Variants in PIEZO2 observed in about 807,000 individuals in gnomAD.
PIEZO2 encodes the protein piezo type mechanosensitive ion channel component 2.
A neutral mutation model predicts 337.3 loss-of-function variants in PIEZO2; 172 were observed. The observed-to-expected ratio is 0.51, with a 90% CI of 0.45 to 0.58. The LOEUF (loss-of-function observed/expected upper bound fraction) is 0.58. Among genes scored for constraint, PIEZO2 ranks in the 20% least tolerant of loss-of-function variants. The pLI is 0.00. For synonymous variants in PIEZO2, 1,251 were observed against 1,228.5 expected (o/e 1.02, Z -0.38); for missense variants, 3,028 against 3,391.3 (o/e 0.89, Z 2.66).
At chr18:10,776,209 T>G (rs1205124989) in intron 18 of PIEZO2, among the ~76,000 whole-genome samples, 2 of 152,178 alleles carry the variant, frequency 1.3e-5, no homozygotes, top group Non-Finnish European at 2.9e-5. Context: ...CCAGAAAACT[T>G]GCTAGCTAGG....
At chr18:10,885,390 C>A (rs1378832755) in intron 4 of PIEZO2, among the ~76,000 whole-genome samples, 1 of 152,114 alleles carries the variant, frequency 6.6e-6, no homozygotes, top group African/African-American at 2.4e-5. Context: ...AGCAACTGCA[C>A]TCCAGCCTGG....
chr18:10,887,889 A>C (rs264216), intron 4 of PIEZO2, among the ~76,000 whole-genome samples: 112,151 of 152,080 alleles, frequency 0.74, 41,995 homozygotes, highest in African/African-American at 0.88. Context: ...GGGAGGCACA[A>C]GTCCCCAGCT....
chr18:10,760,785 T>A (rs1440587101), intron 24 of PIEZO2, 126 bp downstream of exon 24: 3 of 814,820 alleles, frequency 3.7e-6, no homozygotes, highest in Non-Finnish European at 5.7e-6. Context: ...TACTTTCTGT[T>A]CTTCTCAAGG....
intron 3 of PIEZO2, among the ~76,000 whole-genome samples, chr18:10,920,589 A>C (rs1472365830): frequency 1.3e-5 from 2 of 152,180 alleles, no homozygotes; most frequent in Non-Finnish European, 2.9e-5. Flanking sequence ...ATGCTGTTAC[A>C]ACTCGTTCAT....
chr18:11,138,978 T>TAA (rs1404461370), intron 1 of PIEZO2, among the ~76,000 whole-genome samples: 20 of 152,254 alleles, frequency 1.3e-4, no homozygotes, highest in African/African-American at 4.8e-4. Flanking sequence ...CTAAGTTATC[T>TAA]GCCCATTGAA....
Position 10,828,549 on chromosome 18 carries a change from C to A in PIEZO2, c.918-21275G>T, listed in dbSNP as rs867433632. 1.3e-5 allele frequency among the ~76,000 whole-genome samples: 2 copies of A among 152,062 alleles called. No individual in the cohort carries two copies. Among genetic ancestry groups the A allele is most frequent in the South Asian group, 4.2e-4 (2 of 4,812 alleles). Reference sequence around the variant, plus strand: ...TAAAATATACATAAAGGTGTGAGTTCTAGGTGGATCATTGAATTATTGCAA... The same window carrying A: ...TAAAATATACATAAAGGTGTGAGTTATAGGTGGATCATTGAATTATTGCAA... On this transcript the variant is annotated intron_variant, in intron 7 of 55. Transcript: ENST00000674853. This position sits in a 1 kb window ranked among gnomAD's most constrained non-coding sequence, Gnocchi z 4.1.
At chr18:10,685,141 A>G (rs2034494468) in intron 49 of PIEZO2, among the ~76,000 whole-genome samples, 1 of 152,188 alleles carries the variant, frequency 6.6e-6, no homozygotes, top group Admixed American at 6.5e-5. Flanking sequence ...CTTGCTTCAT[A>G]AAGTGTGTTT....
rs918813877 is a variant in PIEZO2 at position 10,807,177 on chromosome 18, T to C, written c.1015A>G (p.Ile339Val). ...DLSWYHHANPILLLVMYYTLA... is the reference protein window; with the variant it reads ...DLSWYHHANPVLLLVMYYTLA... The stretch of plus-strand genomic sequence containing the variant: ...GTGTAGTACATCACCAGCAGGAGGA[T>C]AGGGTTGGCGTGGTGGTACCACGAC... Residue 339 changes from isoleucine (I) to valine (V), a missense_variant, in exon 8 of 56, where the codon ATC (isoleucine) becomes GTC (valine). Ile to Val is a conservative substitution (Grantham distance 29, BLOSUM62 3). This residue lies in a region of PIEZO2 where 542 missense variants were observed against 605.6 expected (regional missense o/e 0.89). Transcript: ENST00000674853. The C allele has an allele frequency of 3.3e-6, 5 of 1,537,234 alleles. No homozygotes were observed. In the African/African-American group the frequency reaches 5.5e-5, roughly 17 times the overall value.
rs1413887321 is a variant in PIEZO2, at chr18:10,762,559, T to C, written c.3190A>G (p.Ile1064Val). The change falls in exon 23 of 56, where the codon ATC becomes GTC. Residue 1064 changes from isoleucine to valine, a missense_variant. Coordinates refer to ENST00000674853, the MANE Select transcript of PIEZO2 (RefSeq NM_001378183.1). ...LNKSLLYSAP[I>V]DPTEWVGLRK... ...AGGCCGACCCACTCTGTAGGATCGA[T>C]AGGAGCGCTGTAGAGCAGAGACTTG... 4 of 1,537,348 alleles carry C rather than the reference T, an allele frequency of 2.6e-6. No individual in the cohort carries two copies. Among genetic ancestry groups the C allele is most frequent in the Non-Finnish European group, 3.5e-6 (4 of 1,146,914 alleles).
chr18:10,902,988 T>C (rs534926148), intron 4 of PIEZO2, among the ~76,000 whole-genome samples: 1 of 152,258 alleles, frequency 6.6e-6, no homozygotes, highest in East Asian at 1.9e-4. Flanking sequence ...CTACTTCTGT[T>C]GCTCACTGAT....
chr18:11,138,885 T>C (rs531173697), intron 1 of PIEZO2, among the ~76,000 whole-genome samples: 20 of 152,240 alleles, frequency 1.3e-4, no homozygotes, highest in African/African-American at 2.9e-4. Flanking sequence ...ATGTATCTGA[T>C]TGGGGAGAAG....
At chr18:10,996,104 T>A (rs991981271) in intron 2 of PIEZO2, among the ~76,000 whole-genome samples, 3 of 152,314 alleles carry the variant, frequency 2.0e-5, no homozygotes, top group African/African-American at 7.2e-5. Context: ...TAAAATTGAA[T>A]TTTATTAGCC....
At position 11,128,278 on chromosome 18, in the gene PIEZO2, G is replaced by A. The variant is rs2040242081; in HGVS notation, c.64+20247C>T. Among the ~76,000 whole-genome samples the A allele has an allele frequency of 6.6e-6, 1 of 152,152 alleles. No homozygotes were observed. The highest frequency in any genetic ancestry group is 1.5e-5 in the Non-Finnish European group (1 of 68,032). ...GCCTCAAATCTGCTAAGATTGCCTT[G>A]AGTGAGAGTCTTATCTCCTTAGAGA... On this transcript the variant is annotated intron_variant, in intron 1 of 55. Transcript: ENST00000674853. This position sits in a 1 kb window ranked among gnomAD's most constrained non-coding sequence, Gnocchi z 4.1.
rs190028000 is a variant in PIEZO2, at chr18:10,781,296, C to A, written c.2493-930G>T. ...CCAGCCTGGCCAATATGGTGAAACC[C>A]CCGTCTCTATTAAAAATAGAAAAAT... On this transcript the variant is annotated intron_variant, in intron 17 of 55. Coordinates refer to ENST00000674853, the MANE Select transcript of PIEZO2 (RefSeq NM_001378183.1). This position sits in a 1 kb window ranked among gnomAD's most constrained non-coding sequence, Gnocchi z 4.1. Among the ~76,000 whole-genome samples the A allele has an allele frequency of 7.3e-5, 11 of 151,714 alleles. No individual in the cohort carries two copies. The East Asian group carries it at 2.2e-3, about 30-fold the overall frequency.
At chr18:10,757,932 T>C (rs746968217) in intron 27 of PIEZO2, 37 bp downstream of exon 27, 332 of 1,502,976 alleles carry the variant, frequency 2.2e-4, no homozygotes, top group Non-Finnish European at 2.8e-4. Context: ...AATGCACACA[T>C]CAAAGTGGCT....
At chr18:10,737,751 T>G (rs988395288) in intron 33 of PIEZO2, 4 of 152,206 alleles carry the variant, frequency 2.6e-5, no homozygotes, top group Non-Finnish European at 4.4e-5. Flanking sequence ...ACATATACAT[T>G]TCTGATGCTA....
intron 4 of PIEZO2, among the ~76,000 whole-genome samples, chr18:10,905,156 G>A (rs564928184): frequency 6.6e-5 from 10 of 152,224 alleles, no homozygotes; most frequent in Non-Finnish European, 1.3e-4. Context: ...GAATATTTAT[G>A]CACATACAGT....
At chr18:10,897,047 A>G (rs979468234) in intron 4 of PIEZO2, among the ~76,000 whole-genome samples, 4 of 152,228 alleles carry the variant, frequency 2.6e-5, no homozygotes, top group African/African-American at 7.2e-5. Flanking sequence ...ATGAAAAAGT[A>G]AAAATGCTAA....
At chr18:10,732,334 G>A (rs2036821528) in intron 35 of PIEZO2, among the ~76,000 whole-genome samples, 1 of 152,178 alleles carries the variant, frequency 6.6e-6, no homozygotes, top group Non-Finnish European at 1.5e-5. Context: ...GGGTCTCAGG[G>A]AAGCTGGGTT....
Sources: gnomAD v4.1 joint callset for allele counts (sites outside exome capture counted in the v4.1 genomes callset) on GRCh38, gnomAD v4.1.1 for gene constraint, gnomAD v4.1.1 regional missense constraint, Gnocchi (gnomAD v3.1) non-coding constraint, MANE v1.5 for transcripts, NCBI Gene and HGNC (gene_info 2026-07-23, HGNC 2026-07-21) for gene names.